Variants in LHFPL4 observed in about 807,000 individuals in gnomAD.
The protein encoded by LHFPL4 is LHFPL tetraspan subfamily member 4 protein.
Under a neutral mutation model 20.0 loss-of-function variants are expected in LHFPL4, and 6 were observed. The ratio of observed to expected loss-of-function variants is 0.30; its 90% CI spans 0.16 to 0.59. The LOEUF is 0.59. Among genes scored for constraint, LHFPL4 ranks in the 20% least tolerant of loss-of-function variants. The pLI is 0.88. For synonymous variants in LHFPL4, 129 were observed against 143.8 expected (o/e 0.90, Z 0.74); for missense variants, 215 against 331.2 (o/e 0.65, Z 2.72).
intron 2 of LHFPL4, 117 bp downstream of exon 2, chr3:9,552,157 T>G: frequency 1.5e-6 from 2 of 1,321,258 alleles, no homozygotes; most frequent in East Asian, 5.1e-5. Context: ...GCCAAAGAGG[T>G]GAGTGTCTTA....
Position 9,549,516 on chromosome 3 carries a change from C to T in LHFPL4, c.406+2758G>A, listed in dbSNP as rs541608321. On this transcript the variant is annotated intron_variant, in intron 2 of 3. Transcript: ENST00000287585. Reference sequence around the variant, plus strand: ...TTTGAGACTAGCCTGGCCAACATGGCGAAACCCCATCTCTACTAAAAATAC... The same window carrying T: ...TTTGAGACTAGCCTGGCCAACATGGTGAAACCCCATCTCTACTAAAAATAC... 9.9e-5 allele frequency among the ~76,000 whole-genome samples: 15 copies of T among 152,032 alleles called. No homozygotes were observed. The East Asian group carries it at 1.7e-3, about 18-fold the overall frequency.
At chr3:9,544,351 C>T (rs1340534433) in intron 2 of LHFPL4, among the ~76,000 whole-genome samples, 1 of 151,684 alleles carries the variant, frequency 6.6e-6, no homozygotes, top group Non-Finnish European at 1.5e-5. Context: ...TGGGGTCAGG[C>T]ATGGTGGCTC....
intron 2 of LHFPL4, among the ~76,000 whole-genome samples, chr3:9,549,265 AT>A (rs2046537136): frequency 6.6e-6 from 1 of 152,042 alleles, no homozygotes; most frequent in Admixed American, 6.6e-5. Flanking sequence ...TGTCTTATGC[AT>A]CTCAGTATTA....
chr3:9,520,205 TG>T (rs1322936723), intron 2 of LHFPL4, among the ~76,000 whole-genome samples: 1 of 152,112 alleles, frequency 6.6e-6, no homozygotes, highest in Non-Finnish European at 1.5e-5. Flanking sequence ...ATTGTAACCC[TG>T]GCACTTTGAG....
chr3:9,552,042 AC>A (rs1199070666), intron 2 of LHFPL4, among the ~76,000 whole-genome samples: 1 of 151,976 alleles, frequency 6.6e-6, no homozygotes, highest in Admixed American at 6.6e-5. Flanking sequence ...GCGTACCCAT[AC>A]CCAAGCATAC....
intron 2 of LHFPL4, among the ~76,000 whole-genome samples, chr3:9,532,050 G>A (rs902972752): frequency 1.3e-5 from 2 of 152,050 alleles, no homozygotes; most frequent in African/African-American, 4.8e-5. Context: ...TTTTGAGATG[G>A]AGTCTCACTC....
chr3:9,532,934 T>C (rs966790721), intron 2 of LHFPL4, among the ~76,000 whole-genome samples: 3 of 152,058 alleles, frequency 2.0e-5, no homozygotes, highest in African/African-American at 7.2e-5. Flanking sequence ...CAGGCCTCAG[T>C]GGGGGCAGAA....
intron 2 of LHFPL4, among the ~76,000 whole-genome samples, chr3:9,508,515 G>A (rs1419631719): frequency 6.6e-6 from 1 of 152,204 alleles, no homozygotes; most frequent in Non-Finnish European, 1.5e-5. Context: ...GAGCTCAGGG[G>A]AAAACCGGGG....
intron 2 of LHFPL4, among the ~76,000 whole-genome samples, chr3:9,529,342 TC>T (rs1394921135): frequency 1.3e-5 from 2 of 152,150 alleles, no homozygotes; most frequent in African/African-American, 4.8e-5. Flanking sequence ...TCACCAATGT[TC>T]TTAATGGCAT....
intron 3 of LHFPL4, among the ~76,000 whole-genome samples, chr3:9,504,380 G>A (rs1216895246): frequency 5.8e-4 from 56 of 96,516 alleles, no homozygotes; most frequent in African/African-American, 2.0e-3. Context: ...ACTGTCTCAA[G>A]GAAAAAAAAA....
chr3:9,513,111 C>A (rs564405244), intron 2 of LHFPL4, among the ~76,000 whole-genome samples: 1 of 152,134 alleles, frequency 6.6e-6, no homozygotes, highest in African/African-American at 2.4e-5. Flanking sequence ...AGGCGCCCGC[C>A]ACTACTCCCG....
At chr3:9,523,077 G>A (rs371435574) in intron 2 of LHFPL4, among the ~76,000 whole-genome samples, 48,145 of 113,156 alleles carry the variant, frequency 0.43, 11,629 homozygotes, top group South Asian at 0.52. Flanking sequence ...GAAAGAAAAG[G>A]AAGAAAGAAA....
chr3:9,512,659 A>G (rs1435650118), intron 2 of LHFPL4, among the ~76,000 whole-genome samples: 1 of 152,222 alleles, frequency 6.6e-6, no homozygotes, highest in African/African-American at 2.4e-5. Context: ...AGATGTGACC[A>G]TATGACTAAG....
chr3:9,535,117 G>T (rs1054950421), intron 2 of LHFPL4, among the ~76,000 whole-genome samples: 2 of 152,142 alleles, frequency 1.3e-5, no homozygotes, highest in African/African-American at 4.8e-5. Flanking sequence ...ACTGAGGAAG[G>T]TTTAATGATA....
chr3:9,508,362 C>A (rs1245888359), intron 2 of LHFPL4, among the ~76,000 whole-genome samples: 8 of 152,186 alleles, frequency 5.3e-5, no homozygotes, highest in Non-Finnish European at 7.3e-5. Context: ...CAATGCTCCT[C>A]CTCCAAGTCA....
rs552668290 is a variant in LHFPL4, at chr3:9,506,953, G to A, written c.407-750C>T. 4.8e-4 allele frequency among the ~76,000 whole-genome samples: 73 copies of A among 152,216 alleles called. 1 individual carries two copies. The South Asian group carries it at 0.015, about 31-fold the overall frequency. Reference sequence around the variant, plus strand: ...TGGGCACCATTTTCCTTTTATTCACGATGCTAGAATATACTTTCATTCATG... The same window carrying A: ...TGGGCACCATTTTCCTTTTATTCACAATGCTAGAATATACTTTCATTCATG... On this transcript the variant is annotated intron_variant, in intron 2 of 3. Coordinates refer to ENST00000287585, the MANE Select transcript of LHFPL4 (RefSeq NM_198560.3). This position sits in a 1 kb window ranked among gnomAD's most constrained non-coding sequence, Gnocchi z 4.5.
intron 2 of LHFPL4, among the ~76,000 whole-genome samples, chr3:9,509,805 A>T (rs2648419): frequency 9.8e-5 from 15 of 152,314 alleles, no homozygotes; most frequent in Admixed American, 2.0e-4. Flanking sequence ...GGACCAGTAG[A>T]GATAGCCTAG....
In LHFPL4 at chr3:9,552,551, C is replaced by T. The variant is rs761342548; in HGVS notation, c.129G>A (p.Gln43=). 6.8e-6 allele frequency: 11 copies of T among 1,613,878 alleles called. No homozygotes were observed. The highest frequency in any genetic ancestry group is 9.3e-6 in the Non-Finnish European group (11 of 1,179,988). Residue 43 remains glutamine, a synonymous_variant, in exon 2 of 4, where the codon CAG becomes CAA. Coordinates refer to ENST00000287585, the MANE Select transcript of LHFPL4 (RefSeq NM_198560.3). ...FAIINVVVFI[Q]PYWVGDSVST... ...TCACGCTGTCGCCCACCCAGTAGGG[C>T]TGGATGAAGACCACCACGTTGATGA... is the stretch of plus-strand genomic sequence containing the variant.
chr3:9,548,775 G>A (rs191193126), intron 2 of LHFPL4, among the ~76,000 whole-genome samples: 7 of 152,130 alleles, frequency 4.6e-5, no homozygotes, highest in Non-Finnish European at 7.4e-5. Context: ...CATGTGGCTC[G>A]GGCCTTAGAC....
Sources: allele counts gnomAD v4.1 joint callset (sites outside exome capture counted in the v4.1 genomes callset), GRCh38; gene constraint gnomAD v4.1.1; non-coding constraint Gnocchi (gnomAD v3.1); transcripts MANE v1.5; gene names NCBI Gene and HGNC (gene_info 2026-07-23, HGNC 2026-07-21).